The following PLEKHG1 variants were observed in gnomAD, a reference collection of about 807,000 sequenced individuals.
The protein encoded by PLEKHG1 is pleckstrin homology domain-containing family G member 1.
A neutral mutation model predicts 100.8 loss-of-function variants in PLEKHG1; 44 were observed. That is an observed-to-expected ratio of 0.44 (90% confidence interval 0.34 to 0.56). PLEKHG1 has a LOEUF of 0.56. PLEKHG1 is among the 20% of genes least tolerant of loss of function. The pLI is 0.01. For synonymous variants in PLEKHG1, 640 were observed against 662.5 expected, an observed-to-expected ratio of 0.97 and a Z score of 0.52; for missense variants, 1,545 against 1,720.9, an observed-to-expected ratio of 0.90 and a Z score of 1.81.
intron 3 of PLEKHG1, among the ~76,000 whole-genome samples, chr6:150,775,643 C>T (rs1330199954): frequency 1.3e-5 from 2 of 152,170 alleles, no homozygotes; most frequent in Admixed American, 1.3e-4. Context: ...CTGAGGGGGA[C>T]TTTACAGAGC....
intron 3 of PLEKHG1, among the ~76,000 whole-genome samples, chr6:150,696,247 C>T (rs1037181088): frequency 1.3e-5 from 2 of 152,176 alleles, no homozygotes; most frequent in Admixed American, 6.5e-5. Context: ...CAGAGGAACT[C>T]GTCCTTAGGC....
At chr6:150,787,927 G>A (rs756300676) in intron 4 of PLEKHG1, among the ~76,000 whole-genome samples, 21 of 152,088 alleles carry the variant, frequency 1.4e-4, no homozygotes, top group Non-Finnish European at 2.8e-4. Context: ...TTGAAAAAAA[G>A]AAGAAAAATG....
At position 150,699,656 on chromosome 6, in the gene PLEKHG1, T is replaced by C. The variant is rs963103556; in HGVS notation, c.-98-33928T>C. ...TGGCTCAGTCATACCATAGGCCTAT[T>C]AAATCACTTAAGCCTCAGAACACCC... On this transcript the variant is annotated intron_variant, in intron 3 of 3. Transcript: ENST00000367326. Among the ~76,000 whole-genome samples the C allele has an allele frequency of 3.3e-5, 5 of 152,328 alleles. No individual in the cohort carries two copies. In the South Asian group the frequency reaches 1.0e-3, roughly 32 times the overall value.
chr6:150,761,869 C>T (rs2128635190), intron 2 of PLEKHG1, among the ~76,000 whole-genome samples: 1 of 152,290 alleles, frequency 6.6e-6, no homozygotes, highest in Non-Finnish European at 1.5e-5. Context: ...CCTGCCCCTT[C>T]CTAGGCCCAG....
chr6:150,717,746 C>T (rs1046575303), upstream of PLEKHG1, among the ~76,000 whole-genome samples: 1 of 152,188 alleles, frequency 6.6e-6, no homozygotes, highest in Non-Finnish European at 1.5e-5. Context: ...ACAAGGCACG[C>T]GTGTGCATTT....
intron 3 of PLEKHG1, among the ~76,000 whole-genome samples, chr6:150,712,714 C>A (rs936284697): frequency 6.6e-6 from 1 of 152,162 alleles, no homozygotes; most frequent in African/African-American, 2.4e-5. Flanking sequence ...TGTTTAGACT[C>A]TCAAAAACTT....
At chr6:150,750,385 C>T (rs1783435798) in intron 2 of PLEKHG1, among the ~76,000 whole-genome samples, 1 of 152,188 alleles carries the variant, frequency 6.6e-6, no homozygotes, top group South Asian at 2.1e-4. Flanking sequence ...TAGCGAAATC[C>T]CAGTCTCTGG....
At position 150,841,290 on chromosome 6, in the gene PLEKHG1, T is replaced by C. The variant is rs1583234295; in HGVS notation, c.*394T>C. The stretch of plus-strand genomic sequence containing the variant: ...TGACTCAAAGGCAGCAAGGAGACTT[T>C]TTCACATTTTAAAAGGCAACGAAAG... On this transcript the variant is annotated 3_prime_UTR_variant, in exon 16 of 16. Transcript: ENST00000358517. 5 of 280,868 alleles carry C rather than the reference T, an allele frequency of 1.8e-5. No homozygotes were observed. In the East Asian group the frequency reaches 4.9e-4, roughly 28 times the overall value. The allele number at this position is 280,868 out of a possible 1,614,324, so 17.4% of individuals were successfully genotyped here.
At chr6:150,828,080 G>C (rs543292037) in intron 14 of PLEKHG1, 1 of 1,612,954 alleles carries the variant, frequency 6.2e-7, no homozygotes, top group East Asian at 2.2e-5. Context: ...GACTTGCCAG[G>C]AAGTTTCCTG....
At chr6:150,623,089 G>A (rs1055916534) in intron 1 of PLEKHG1, among the ~76,000 whole-genome samples, 11 of 151,250 alleles carry the variant, frequency 7.3e-5, no homozygotes, top group Non-Finnish European at 1.0e-4. Flanking sequence ...TCTGTTGTTT[G>A]TGTTAAGTAT....
chr6:150,776,013 G>A (rs1784940399), intron 3 of PLEKHG1, among the ~76,000 whole-genome samples: 1 of 152,134 alleles, frequency 6.6e-6, no homozygotes, highest in Non-Finnish European at 1.5e-5. Flanking sequence ...ACCGGAAGGG[G>A]AGGGGCCGCA....
intron 15 of PLEKHG1, among the ~76,000 whole-genome samples, chr6:150,832,722 C>T (rs994017661): frequency 6.7e-6 from 1 of 150,038 alleles, no homozygotes; most frequent in African/African-American, 2.5e-5. Context: ...CACTGTCACC[C>T]AGGCTGGAGT....
chr6:150,779,593 G>C (rs1021656813), intron 3 of PLEKHG1, among the ~76,000 whole-genome samples: 1 of 151,460 alleles, frequency 6.6e-6, no homozygotes, highest in Non-Finnish European at 1.5e-5. Flanking sequence ...TGATCCGCCC[G>C]CCTCGGCCTC....
Position 150,603,169 on chromosome 6 carries a change from T to G in PLEKHG1, c.-204+3152T>G, listed in dbSNP as rs539076764. Among the ~76,000 whole-genome samples the G allele has an allele frequency of 2.0e-5, 3 of 150,382 alleles. No homozygotes were observed. In the East Asian group the frequency reaches 5.9e-4, roughly 29 times the overall value. ...GAAAAATATGGTTTCTAATGCGAAA[T>G]GTTGGTGTATTCAGGCAGGGATGGG... On this transcript the variant is annotated intron_variant, in intron 1 of 3. Coordinates refer to the PLEKHG1 transcript ENST00000367326.
At chr6:150,624,336 A>G (rs1777425150) in intron 1 of PLEKHG1, among the ~76,000 whole-genome samples, 1 of 151,802 alleles carries the variant, frequency 6.6e-6, no homozygotes, top group Admixed American at 6.6e-5. Context: ...CCTCCCCAAC[A>G]AGGGACTCCC....
intron 2 of PLEKHG1, among the ~76,000 whole-genome samples, chr6:150,650,376 G>GAACT (rs2128573538): frequency 6.6e-6 from 1 of 152,268 alleles, no homozygotes; most frequent in Admixed American, 6.5e-5. Context: ...GCAAGTCACT[G>GAACT]AACTCCTCTG....
upstream of PLEKHG1, among the ~76,000 whole-genome samples, chr6:150,718,748 G>A (rs377115226): frequency 1.6e-4 from 25 of 152,090 alleles, no homozygotes; most frequent in African/African-American, 6.0e-4. Context: ...GATTATAGGC[G>A]TAAGCCACCG....
chr6:150,625,390 G>T (rs552970156), intron 1 of PLEKHG1, among the ~76,000 whole-genome samples: 1 of 152,204 alleles, frequency 6.6e-6, no homozygotes, highest in Non-Finnish European at 1.5e-5. Flanking sequence ...GTTACATGGT[G>T]GTCCCTCTGT....
chr6:150,692,258 A>T (rs1780373203), intron 3 of PLEKHG1, among the ~76,000 whole-genome samples: 1 of 152,214 alleles, frequency 6.6e-6, no homozygotes, highest in Admixed American at 6.5e-5. Context: ...AATGGCAATG[A>T]CTATAATGCT....
Sources: gnomAD v4.1 joint callset for allele counts (sites outside exome capture counted in the v4.1 genomes callset) on GRCh38, gnomAD v4.1.1 for gene constraint, MANE v1.5 for transcripts, NCBI Gene and HGNC (gene_info 2026-07-23, HGNC 2026-07-21) for gene names.